The following ROBO2 variants were observed in gnomAD, a reference collection of about 807,000 sequenced individuals.
The protein encoded by ROBO2 is roundabout guidance receptor 2.
In ROBO2, 53 loss-of-function variants were observed where a neutral mutation model predicts 160.8. The observed-to-expected ratio is 0.33, with a 90% CI of 0.26 to 0.41. ROBO2 has a LOEUF of 0.41. ROBO2 is among the 10% of genes least tolerant of loss of function. The pLI is 1.00. For synonymous variants in ROBO2, 664 were observed against 611.7 expected (o/e 1.09, Z -1.26); for missense variants, 1,577 against 1,722.4 (o/e 0.92, Z 1.49).
intron 2 of ROBO2, among the ~76,000 whole-genome samples, chr3:76,583,009 TAAA>T (rs200415109): frequency 7.5e-6 from 1 of 133,354 alleles, no homozygotes. Flanking sequence ...GGTGTGTGTT[TAAA>T]AAAAAAAAAA....
chr3:76,636,603 C>A (rs1383307256), intron 2 of ROBO2, among the ~76,000 whole-genome samples: 1 of 152,122 alleles, frequency 6.6e-6, no homozygotes, highest in East Asian at 1.9e-4. Flanking sequence ...GATTCAAAGA[C>A]ACACAGGGTG....
intron 2 of ROBO2, among the ~76,000 whole-genome samples, chr3:76,484,050 G>T (rs1182206114): frequency 2.0e-5 from 3 of 152,118 alleles, no homozygotes; most frequent in Non-Finnish European, 4.4e-5. Context: ...CTTTATAACA[G>T]AATGATTTAC....
intron 2 of ROBO2, among the ~76,000 whole-genome samples, chr3:76,440,002 C>T (rs1448461253): frequency 6.6e-6 from 1 of 152,080 alleles, no homozygotes; most frequent in East Asian, 1.9e-4. Context: ...AGCAGTGACA[C>T]TCTTCCAGTT....
intron 2 of ROBO2, among the ~76,000 whole-genome samples, chr3:77,303,959 G>T (rs1024776096): frequency 1.3e-5 from 2 of 151,964 alleles, no homozygotes; most frequent in Non-Finnish European, 2.9e-5. Flanking sequence ...AATGAAATGC[G>T]GTGTGACAGA....
Position 77,273,451 on chromosome 3 carries a change from G to A in ROBO2, c.388+175111G>A, listed in dbSNP as rs116322661. ...TCAAAAACAACTGAATAGTATTCAC[G>A]GATCTGAGTCTTAGATACAAAAAAT... On this transcript the variant is annotated intron_variant, in intron 2 of 25. Transcript: ENST00000461745. 6.1e-3 allele frequency among the ~76,000 whole-genome samples: 936 copies of A among 152,208 alleles called. 5 individuals are homozygous for A. Among genetic ancestry groups the A allele is most frequent in the African/African-American group, 0.022 (901 of 41,518 alleles).
chr3:77,225,690 A>G (rs934104033), intron 2 of ROBO2, among the ~76,000 whole-genome samples: 18 of 152,172 alleles, frequency 1.2e-4, no homozygotes, highest in African/African-American at 4.1e-4. Flanking sequence ...AATCAATTCT[A>G]TGCATATTCA....
At chr3:76,359,942 C>A (rs2075406238) in intron 2 of ROBO2, among the ~76,000 whole-genome samples, 1 of 151,976 alleles carries the variant, frequency 6.6e-6, no homozygotes, top group South Asian at 2.1e-4. Flanking sequence ...GTAAACCCAG[C>A]TGCCAGTTTC....
intron 2 of ROBO2, among the ~76,000 whole-genome samples, chr3:77,098,859 AAAAC>A (rs573823913): frequency 0.057 from 7,678 of 135,342 alleles, 312 homozygotes; most frequent in African/African-American, 0.12. Context: ...CCGTCTCAAA[AAAAC>A]AAACAAACAA....
chr3:77,223,451 G>A (rs1390785113), intron 2 of ROBO2, among the ~76,000 whole-genome samples: 1 of 152,070 alleles, frequency 6.6e-6, no homozygotes, highest in East Asian at 1.9e-4. Context: ...CACATTTAAT[G>A]TCAGTTTGCT....
chr3:76,506,695 T>G lies in ROBO2; in HGVS notation c.109+569093T>G, dbSNP rs541598318. ...TCAGACAAGATGGTGCTTATGATAT[T>G]CTTTTACAAATCACTGTTAGCGTAC... is the stretch of plus-strand genomic sequence containing the variant. On this transcript the variant is annotated intron_variant, in intron 2 of 26. Transcript: ENST00000487694. Among the ~76,000 whole-genome samples, 14 of 152,318 alleles carry G rather than the reference T, an allele frequency of 9.2e-5. No individual in the cohort carries two copies. In the South Asian group the frequency reaches 2.9e-3, roughly 32 times the overall value.
chr3:77,118,154 G>T (rs1280907545), intron 2 of ROBO2, among the ~76,000 whole-genome samples: 2 of 152,110 alleles, frequency 1.3e-5, no homozygotes, highest in Non-Finnish European at 2.9e-5. Context: ...ATTAAGTGAG[G>T]TTTCTTCTAT....
chr3:77,391,632 A>G (rs2074743015), intron 2 of ROBO2, among the ~76,000 whole-genome samples: 1 of 152,154 alleles, frequency 6.6e-6, no homozygotes, highest in Non-Finnish European at 1.5e-5. Context: ...ACACATGGAA[A>G]TTATGGGAGC....
chr3:77,547,413 T>C (rs2092739443), intron 7 of ROBO2, among the ~76,000 whole-genome samples: 1 of 152,086 alleles, frequency 6.6e-6, no homozygotes, highest in African/African-American at 2.4e-5. Context: ...TCCAGAAGAA[T>C]TTCCTTGGGA....
intron 22 of ROBO2, chr3:77,618,082 A>G: frequency 5.3e-6 from 2 of 374,102 alleles, no homozygotes; most frequent in South Asian, 5.4e-5. Context: ...GCTCTTGGCT[A>G]CACCAGAATC....
intron 2 of ROBO2, among the ~76,000 whole-genome samples, chr3:76,006,645 G>A (rs1173038776): frequency 1.3e-5 from 2 of 152,066 alleles, no homozygotes; most frequent in Non-Finnish European, 2.9e-5. Context: ...CATTTATAAA[G>A]TATGATATTA....
At chr3:77,093,623 G>T (rs1001553133) in intron 1 of ROBO2, among the ~76,000 whole-genome samples, 1 of 151,968 alleles carries the variant, frequency 6.6e-6, no homozygotes, top group Non-Finnish European at 1.5e-5. Flanking sequence ...TGGGTCCATC[G>T]TAAAGACCAC....
Position 76,219,971 on chromosome 3 carries a change from T to C in ROBO2, c.109+282369T>C, listed in dbSNP as rs1445940867. Among the ~76,000 whole-genome samples, 2 of 151,902 alleles carry C rather than the reference T, an allele frequency of 1.3e-5. 1 individual carries two copies. The highest frequency in any genetic ancestry group is 4.8e-5 in the African/African-American group (2 of 41,314). On this transcript the variant is annotated intron_variant, in intron 2 of 26. Transcript: ENST00000487694. ...GACTGGATTAAGAAAATGTGGCACA[T>C]ATACACCATGGAATACTATGCAGCC...
intron 2 of ROBO2, among the ~76,000 whole-genome samples, chr3:75,962,716 T>G (rs1428236365): frequency 6.6e-6 from 1 of 151,968 alleles, no homozygotes; most frequent in Non-Finnish European, 1.5e-5. Flanking sequence ...TCTGTATTTT[T>G]TTCTTTTCAT....
At chr3:76,446,294 C>T (rs1477655450) in intron 2 of ROBO2, among the ~76,000 whole-genome samples, 2 of 152,086 alleles carry the variant, frequency 1.3e-5, no homozygotes, top group African/African-American at 4.8e-5. Flanking sequence ...TTCACAATTG[C>T]TTCAAAGAGA....
Sources: gnomAD v4.1 joint callset for allele counts (sites outside exome capture counted in the v4.1 genomes callset) on GRCh38, gnomAD v4.1.1 for gene constraint, MANE v1.5 for transcripts, NCBI Gene and HGNC (gene_info 2026-07-23, HGNC 2026-07-21) for gene names.